Variants in APC2 observed in about 807,000 individuals in gnomAD.
APC2 encodes APC regulator of Wnt signaling pathway 2.
A neutral mutation model predicts 72.5 loss-of-function variants in APC2; 41 were observed. That is an observed-to-expected ratio of 0.57 (90% CI 0.44 to 0.73). APC2 has a LOEUF of 0.73. APC2 is among the 30% of genes least tolerant of loss of function. The pLI is 0.00. For synonymous variants in APC2, 1,898 were observed against 1,612.0 expected (o/e 1.18, Z -4.25); for missense variants, 3,729 against 3,403.4 (o/e 1.10, Z -2.38).
In APC2 at chr19:1,452,545, CT is replaced by C. The variant is rs2083756425; in HGVS notation, c.-18-438del. ...TTGCTTTTATGGGGGAGGGTCCTGT[CT>C]GTCTGTCTGTCGCCCTCTCTGGCTG... On this transcript the variant is annotated intron_variant, in intron 1 of 14. Transcript: ENST00000590469. The surrounding 1 kb of genome is among the most constrained non-coding windows in gnomAD (Gnocchi z 5.1). 5.7e-6 allele frequency: 1 copy of C among 174,106 alleles called. No homozygotes were observed. The highest frequency in any genetic ancestry group is 5.8e-5 in the Admixed American group (1 of 17,204). 10.8% of individuals were successfully genotyped at this position (174,106 alleles called of 1,614,324 possible).
chr19:1,454,534 G>A (rs1249859339), intron 4 of APC2, among the ~76,000 whole-genome samples: 2 of 148,374 alleles, frequency 1.3e-5, no homozygotes, highest in Non-Finnish European at 3.0e-5. Context: ...CCACAGGTGC[G>A]CACCATCATG....
intron 6 of APC2, 71 bp from the exon 7 acceptor site, chr19:1,456,003 TCC>T (rs2083818243): frequency 1.4e-5 from 19 of 1,389,094 alleles, no homozygotes; most frequent in East Asian, 2.8e-5. Context: ...GGTGGGGTCA[TCC>T]CAGGGAGAGG....
rs1338719175 is a variant in APC2 at position 1,466,898 on chromosome 19, C to T, written c.3597C>T (p.Pro1199=). 8 of 1,578,902 alleles carry T rather than the reference C, an allele frequency of 5.1e-6. 1 individual carries two copies. Among genetic ancestry groups the T allele is most frequent in the Admixed American group, 1.8e-5 (1 of 55,468 alleles). Residue 1199 remains proline (P), a synonymous_variant, in exon 15 of 15, where the codon CCC becomes CCT. Transcript: ENST00000590469. ...GSGTISPSEL[P]DSPGQTMPPS... Reference sequence around the variant, plus strand: ...GCACCATCAGCCCTAGCGAGCTGCCCGACAGCCCCGGACAGACCATGCCTC... The same window carrying T: ...GCACCATCAGCCCTAGCGAGCTGCCTGACAGCCCCGGACAGACCATGCCTC...
In APC2 at chr19:1,456,339, G is replaced by T; in HGVS notation, c.751G>T (p.Glu251Ter). The change falls in exon 8 of 15, where the codon GAG becomes TAG. Residue 251 changes from glutamate (E) to a stop codon, truncating the protein, a stop_gained. Coordinates refer to ENST00000590469, the MANE Select transcript of APC2 (RefSeq NM_005883.3). LOFTEE classifies it high-confidence loss of function. ...LLAVKSVPVD[E>*]DPETEVPTHP... ...GGCGGTGAAGTCGGTGCCGGTGGAC[G>T]AGGACCCCGAGACAGAGGTCCCCAC... 1 of 1,609,240 alleles carries T rather than the reference G, an allele frequency of 6.2e-7. No individual in the cohort carries two copies.
At chr19:1,455,308 C>T (rs1569142581) in intron 5 of APC2, 51 bp downstream of exon 5, 2 of 1,580,286 alleles carry the variant, frequency 1.3e-6, no homozygotes, top group Non-Finnish European at 1.7e-6. Context: ...ACTCAGGGTG[C>T]GGGAAGCGGC....
intron 13 of APC2, 132 bp from the exon 14 acceptor site, chr19:1,461,831 G>C (rs1342773970): frequency 2.7e-6 from 2 of 727,406 alleles, no homozygotes; most frequent in African/African-American, 3.6e-5. Context: ...CAGCCTGGGG[G>C]AGAGAGTGAG....
In APC2 at chr19:1,469,569, G is replaced by A; in HGVS notation, c.6268G>A (p.Ala2090Thr). The change falls in exon 15 of 15, where the codon GCC becomes ACC. Residue 2090 changes from alanine (A) to threonine (T), a missense_variant. By Grantham distance (58) the Ala-to-Thr change is moderately conservative. Transcript: ENST00000590469. ...GTCCCGCCTGCCTGTGCGCGCGCCC[G>A]CCGCCCGGCCGGAGACTGTCAAGCG... Reference protein sequence around the residue: ...SPSRLPVRAPAARPETVKRYA... With the variant: ...SPSRLPVRAPTARPETVKRYA... 4 of 1,241,318 alleles carry A rather than the reference G, an allele frequency of 3.2e-6. No homozygotes were observed. The highest frequency in any genetic ancestry group is 1.8e-5 in the South Asian group (1 of 55,092). 76.9% of individuals were successfully genotyped at this position (1,241,318 alleles called of 1,614,324 possible).
chr19:1,462,174 A>T lies in APC2; in HGVS notation c.1850A>T (p.Tyr617Phe). 6.4e-7 allele frequency: 1 copy of T among 1,564,882 alleles called. No individual in the cohort carries two copies. Among genetic ancestry groups the T allele is most frequent in the Non-Finnish European group, 8.6e-7 (1 of 1,157,254 alleles). ...AGCCTCGTCGCCACCCGTGAGGACT[A>T]CAGGTCGGCCCCCACCCCCCCACCC... ...VSSLVATRED[Y>F]RQVLRDHNCL... is the part of the protein sequence containing the mutation. The change falls in exon 14 of 15, where the codon TAC becomes TTC. Residue 617 changes from tyrosine (Y) to phenylalanine (F), a missense_variant. By Grantham distance (22) the Tyr-to-Phe change is conservative. Coordinates refer to ENST00000590469, the MANE Select transcript of APC2 (RefSeq NM_005883.3).
Position 1,470,085 on chromosome 19 carries a change from G to T in APC2, c.6784G>T (p.Gly2262Cys). 1 of 1,602,512 alleles carries T rather than the reference G, an allele frequency of 6.2e-7. No homozygotes were observed. The highest frequency in any genetic ancestry group is 2.2e-5 in the East Asian group (1 of 44,496). ...AVGGFPASRH[G>C]SPSRSARVPP... ...GGGGGGCTTCCCCGCCAGCCGGCAC[G>T]GCTCCCCCAGCCGCTCGGCCCGAGT... is the stretch of plus-strand genomic sequence containing the variant. The change falls in exon 15 of 15, where the codon GGC becomes TGC. Residue 2262 changes from glycine to cysteine, a missense_variant. By Grantham distance (159) the Gly-to-Cys change is radical. Transcript: ENST00000590469.
chr19:1,454,657 G>A (rs1406423815), intron 4 of APC2, among the ~76,000 whole-genome samples: 2 of 146,682 alleles, frequency 1.4e-5, no homozygotes, highest in Admixed American at 7.0e-5. Context: ...TCCGCCTCCC[G>A]GGTTCACACC....
rs2083918317 is a variant in APC2, at chr19:1,461,269, G to A, written c.1638+116G>A. On this transcript the variant is annotated intron_variant, in intron 13 of 14. Transcript: ENST00000590469. ...ATCAAGTTGAACAGCTCACTGCTTA[G>A]CGGGTGGTCCAGCCTCAGACCGGCT... 4 of 907,458 alleles carry A rather than the reference G, an allele frequency of 4.4e-6. No individual in the cohort carries two copies. In the East Asian group the frequency reaches 7.3e-5, roughly 17 times the overall value. 56.2% of individuals were successfully genotyped at this position (907,458 alleles called of 1,614,324 possible). A position where few individuals can be genotyped will look rare whatever the true frequency, so the allele number is the denominator to read the frequency against.
Position 1,452,949 on chromosome 19 carries a change from A to G in APC2, c.-18-35A>G. On this transcript the variant is annotated intron_variant, in intron 1 of 14. Transcript: ENST00000590469. The surrounding 1 kb of genome is among the most constrained non-coding windows in gnomAD (Gnocchi z 5.1). ...GAAGGCATCACCGCGCCCTCCCCAG[A>G]CCATCAGCTGAACCCTCTGACCCTG... The G allele has an allele frequency of 6.2e-6, 10 of 1,601,434 alleles. No homozygotes were observed. The highest frequency in any genetic ancestry group is 8.5e-6 in the Non-Finnish European group (10 of 1,174,482).
Position 1,468,748 on chromosome 19 carries a change from G to A in APC2, c.5447G>A (p.Arg1816Gln). Residue 1816 changes from arginine to glutamine, a missense_variant, in exon 15 of 15, where the codon CGG becomes CAG. Transcript: ENST00000590469. ...ACCCCCGGCCCCCGCGCCACACCGC[G>A]GAAGGTGGCGCCCCCTTGCCTGGCA... is the stretch of plus-strand genomic sequence containing the variant. ...KGTPGPRATP[R>Q]KVAPPCLAQP... 3 of 1,498,908 alleles carry A rather than the reference G, an allele frequency of 2.0e-6. No individual in the cohort carries two copies. The highest frequency in any genetic ancestry group is 2.5e-5 in the South Asian group (2 of 80,288). 92.9% of individuals were successfully genotyped at this position (1,498,908 alleles called of 1,614,324 possible). A position where few individuals can be genotyped will look rare whatever the true frequency, so the allele number is the denominator to read the frequency against.
In APC2 at chr19:1,467,807, T is replaced by C. The variant is rs2084047536; in HGVS notation, c.4506T>C (p.Thr1502=). ...ALQSLCLTTP[T]EEAVYCFYGN... is the part of the protein sequence containing the mutation. The stretch of plus-strand genomic sequence containing the variant: ...AGTCGCTGTGCCTCACGACGCCCAC[T>C]GAGGAGGCCGTGTACTGCTTCTACG... Residue 1502 remains threonine (T), a synonymous_variant, in exon 15 of 15, where the codon ACT becomes ACC. Transcript: ENST00000590469. 1 of 1,473,482 alleles carries C rather than the reference T, an allele frequency of 6.8e-7. No individual in the cohort carries two copies. The highest frequency in any genetic ancestry group is 2.3e-5 in the Admixed American group (1 of 42,868). 91.3% of individuals were successfully genotyped at this position (1,473,482 alleles called of 1,614,324 possible).
In APC2 at chr19:1,453,158, G is replaced by A. The variant is rs753367526; in HGVS notation, c.141+16G>A. On this transcript the variant is annotated intron_variant, in intron 2 of 14. Coordinates refer to ENST00000590469, the MANE Select transcript of APC2 (RefSeq NM_005883.3). ...GGGCATGAAGGTGGGGGCCTACATG[G>A]AGGAGGTGGGCTAGGGTCCCGGGGT... The A allele has an allele frequency of 6.3e-5, 101 of 1,592,092 alleles. No homozygotes were observed. The highest frequency in any genetic ancestry group is 1.3e-5 in the Non-Finnish European group (15 of 1,169,906).
chr19:1,449,977 G>A (rs938864784), upstream of APC2, among the ~76,000 whole-genome samples: 1 of 152,060 alleles, frequency 6.6e-6, no homozygotes, highest in Admixed American at 6.5e-5. Context: ...CGGCCCCTGA[G>A]CCCGCGCGGA....
Position 1,469,031 on chromosome 19 carries a change from A to G in APC2, c.5730A>G (p.Lys1910=), listed in dbSNP as rs265278. 0.073 allele frequency: 112,205 copies of G among 1,543,308 alleles called. 12,614 individuals are homozygous for G. The highest frequency in any genetic ancestry group is 0.53 in the African/African-American group (37,597 of 70,622). Residue 1910 remains lysine, a synonymous_variant, in exon 15 of 15, where the codon AAA becomes AAG. Transcript: ENST00000590469. ...LPGPGASPVP[K]TPARTLLAKQ... ...GCCCCGGAGCCTCCCCGGTGCCCAA[A>G]ACGCCGGCGCGCACCCTTCTGGCGA...
rs756019468 is a variant in APC2, at chr19:1,468,734, C to T, written c.5433C>T (p.Pro1811=). 1 of 1,499,210 alleles carries T rather than the reference C, an allele frequency of 6.7e-7. No homozygotes were observed. Among genetic ancestry groups the T allele is most frequent in the Non-Finnish European group, 8.9e-7 (1 of 1,121,190 alleles). The allele number at this position is 1,499,210 out of a possible 1,614,324, so 92.9% of individuals were successfully genotyped here. ...PRAQPKGTPG[P]RATPRKVAPP... ...CCCAGCCCAAAGGGACCCCCGGCCCCCGCGCCACACCGCGGAAGGTGGCGC... is the reference window on the plus strand; with the variant it reads ...CCCAGCCCAAAGGGACCCCCGGCCCTCGCGCCACACCGCGGAAGGTGGCGC... The change falls in exon 15 of 15, where the codon CCC becomes CCT. Residue 1811 remains proline (P), a synonymous_variant. Transcript: ENST00000590469.
In APC2 at chr19:1,467,981, G is replaced by T. The variant is rs755135928; in HGVS notation, c.4680G>T (p.Pro1560=). Reference sequence around the variant, plus strand: ...CCAAGGCTGCACCAGCTGCCCCGCCGCCCGCCCGGACCCAGCCCAGCCTCA... The same window carrying T: ...CCAAGGCTGCACCAGCTGCCCCGCCTCCCGCCCGGACCCAGCCCAGCCTCA... ...APSKAAPAAP[P]PARTQPSLIA... is the part of the protein sequence containing the mutation. Residue 1560 remains proline (P), a synonymous_variant, in exon 15 of 15, where the codon CCG becomes CCT. Transcript: ENST00000590469. The T allele has an allele frequency of 6.3e-7, 1 of 1,579,228 alleles. No individual in the cohort carries two copies. The highest frequency in any genetic ancestry group is 2.4e-5 in the East Asian group (1 of 42,240).
Sources: allele counts gnomAD v4.1 joint callset (sites outside exome capture counted in the v4.1 genomes callset), GRCh38; gene constraint gnomAD v4.1.1; non-coding constraint Gnocchi (gnomAD v3.1); transcripts MANE v1.5; gene names NCBI Gene and HGNC (gene_info 2026-07-23, HGNC 2026-07-21).